Variants in PTPRE observed in about 807,000 individuals in gnomAD.
PTPRE encodes the protein protein tyrosine phosphatase receptor type E.
In PTPRE, 51 loss-of-function variants were observed where a neutral mutation model predicts 102.0. That is an observed-to-expected ratio of 0.50 (90% confidence interval 0.40 to 0.63). The LOEUF (loss-of-function observed/expected upper bound fraction) is 0.63, where lower values mean the gene tolerates loss of function less well. Ranked by LOEUF, PTPRE falls within the 30% of genes least tolerant of loss-of-function variation. PTPRE has a pLI of 0.00. For missense variants in PTPRE, 752 were observed against 915.1 expected (o/e 0.82, Z 2.30); for synonymous variants, 345 against 348.2 (o/e 0.99, Z 0.10).
intron 1 of PTPRE, among the ~76,000 whole-genome samples, chr10:127,963,489 C>T (rs1249233567): frequency 6.6e-6 from 1 of 152,160 alleles, no homozygotes; most frequent in Admixed American, 6.5e-5. Context: ...ATAGTAGATG[C>T]CCAGAAAGTG....
chr10:128,040,076 A>G lies in PTPRE; in HGVS notation c.-7-799A>G, dbSNP rs77646783. Among the ~76,000 whole-genome samples, 1,145 of 152,232 alleles carry G rather than the reference A, an allele frequency of 7.5e-3. 41 individuals are homozygous for G. In the East Asian group the frequency reaches 0.11, roughly 15 times the overall value. ...TGGGCATTCCCACCCCCTACCCCCA[A>G]TAAATACCTGCATCCCAGGGTACTC... is the stretch of plus-strand genomic sequence containing the variant. On this transcript the variant is annotated intron_variant, in intron 2 of 20. Transcript: ENST00000254667.
intron 1 of PTPRE, among the ~76,000 whole-genome samples, chr10:127,942,101 A>T (rs1017291660): frequency 3.3e-5 from 5 of 152,200 alleles, no homozygotes; most frequent in African/African-American, 1.2e-4. Context: ...AGTCCAGTCA[A>T]GAGCATTTCG....
At chr10:127,978,624 G>A (rs998291950) in intron 1 of PTPRE, among the ~76,000 whole-genome samples, 2 of 152,182 alleles carry the variant, frequency 1.3e-5, no homozygotes, top group Non-Finnish European at 2.9e-5. Flanking sequence ...GCCTAGCCAG[G>A]AGTGGGTTCA....
chr10:127,971,810 G>C (rs1195650752), intron 1 of PTPRE, among the ~76,000 whole-genome samples: 1 of 152,256 alleles, frequency 6.6e-6, no homozygotes, highest in Admixed American at 6.5e-5. Flanking sequence ...AGGCCGGTCA[G>C]ATGTTCCTGC....
intron 1 of PTPRE, among the ~76,000 whole-genome samples, chr10:127,923,117 G>A (rs1346497861): frequency 6.6e-6 from 1 of 152,268 alleles, no homozygotes; most frequent in Non-Finnish European, 1.5e-5. Context: ...GCTCAGCCCG[G>A]CATAGCGGCT....
At chr10:127,962,439 G>C (rs1455456769) in intron 1 of PTPRE, among the ~76,000 whole-genome samples, 1 of 152,242 alleles carries the variant, frequency 6.6e-6, no homozygotes, top group East Asian at 1.9e-4. Flanking sequence ...TGTAGGGCCA[G>C]TGCTCTGTGC....
chr10:127,988,085 G>T (rs1852257536), intron 2 of PTPRE, among the ~76,000 whole-genome samples: 1 of 152,196 alleles, frequency 6.6e-6, no homozygotes, highest in Non-Finnish European at 1.5e-5. Flanking sequence ...ATGCTTTTGG[G>T]TGTATGAGTT....
At chr10:127,951,334 A>G (rs966223975) in intron 1 of PTPRE, among the ~76,000 whole-genome samples, 5 of 152,214 alleles carry the variant, frequency 3.3e-5, no homozygotes, top group African/African-American at 4.8e-5. Context: ...TATACTGTTC[A>G]TCTTTCTCCC....
At chr10:127,988,304 C>CTTTTTTT (rs57166500) in intron 2 of PTPRE, among the ~76,000 whole-genome samples, 24 of 123,828 alleles carry the variant, frequency 1.9e-4, no homozygotes, top group African/African-American at 2.8e-4. Flanking sequence ...TTTTTCTTTT[C>CTTTTTTT]TTTTTTTTTT....
intron 2 of PTPRE, chr10:127,999,078 A>T (rs1180852399): frequency 2.0e-5 from 3 of 152,154 alleles, no homozygotes; most frequent in African/African-American, 7.2e-5. Flanking sequence ...AGAGGAGGAA[A>T]TGGGAATTTG....
intron 1 of PTPRE, among the ~76,000 whole-genome samples, chr10:127,917,762 G>A (rs1300834336): frequency 6.6e-6 from 1 of 152,154 alleles, no homozygotes; most frequent in Non-Finnish European, 1.5e-5. Context: ...GGGCACGGTG[G>A]CTCACACCTG....
At chr10:128,040,608 C>A (rs1169792409) in intron 2 of PTPRE, among the ~76,000 whole-genome samples, 3 of 152,026 alleles carry the variant, frequency 2.0e-5, no homozygotes, top group Admixed American at 6.6e-5. Context: ...GGGTTCCAGT[C>A]CCTGATCTGC....
chr10:127,957,046 G>C (rs1849453349), intron 1 of PTPRE, among the ~76,000 whole-genome samples: 1 of 152,026 alleles, frequency 6.6e-6, no homozygotes, highest in South Asian at 2.1e-4. Context: ...CCTTGACAGT[G>C]TCTTCTGCAG....
chr10:127,989,450 G>A (rs942303257), intron 2 of PTPRE, among the ~76,000 whole-genome samples: 1 of 152,170 alleles, frequency 6.6e-6, no homozygotes, highest in African/African-American at 2.4e-5. Flanking sequence ...TAAACATGCA[G>A]AGGCAGCAGT....
At chr10:127,943,991 A>T (rs896075413) in intron 1 of PTPRE, among the ~76,000 whole-genome samples, 2 of 152,194 alleles carry the variant, frequency 1.3e-5, no homozygotes, top group Non-Finnish European at 2.9e-5. Context: ...TCTAATTAGA[A>T]GCAATAGTGT....
chr10:128,078,863 G>T (rs1487739120), intron 19 of PTPRE, among the ~76,000 whole-genome samples: 1 of 152,200 alleles, frequency 6.6e-6, no homozygotes, highest in Non-Finnish European at 1.5e-5. Flanking sequence ...GCCCACATGT[G>T]AGATTATGGA....
At chr10:128,023,293 C>T (rs894986606) in intron 2 of PTPRE, among the ~76,000 whole-genome samples, 1 of 151,172 alleles carries the variant, frequency 6.6e-6, no homozygotes, top group African/African-American at 2.4e-5. Flanking sequence ...AGTATATATA[C>T]ATAGTATGTA....
chr10:128,032,499 C>T (rs1483656753), intron 2 of PTPRE, among the ~76,000 whole-genome samples: 1 of 152,236 alleles, frequency 6.6e-6, no homozygotes, highest in Admixed American at 6.5e-5. Context: ...ACCGTCTTCT[C>T]TCTCTTCACC....
At chr10:127,982,156 G>A (rs1459119236) in intron 1 of PTPRE, 118 bp from the exon 2 acceptor site, 1 of 523,376 alleles carries the variant, frequency 1.9e-6, no homozygotes, top group Non-Finnish European at 3.0e-6. Context: ...AGAAGACCCT[G>A]AACAATTAAG....
Sources: gnomAD v4.1 joint callset for allele counts (sites outside exome capture counted in the v4.1 genomes callset) on GRCh38, gnomAD v4.1.1 for gene constraint, MANE v1.5 for transcripts, NCBI Gene and HGNC (gene_info 2026-07-23, HGNC 2026-07-21) for gene names.